Variants in ARHGAP42 observed in about 807,000 individuals in gnomAD.
The protein encoded by ARHGAP42 is Rho GTPase activating protein 42, also known as rho GTPase-activating protein 42.
A neutral mutation model predicts 125.0 loss-of-function variants in ARHGAP42; 63 were observed. That is an observed-to-expected ratio of 0.50 (90% CI 0.41 to 0.62). The LOEUF (loss-of-function observed/expected upper bound fraction) is 0.62, where lower values mean the gene tolerates loss of function less well. Ranked by LOEUF, ARHGAP42 falls within the 20% of genes least tolerant of loss-of-function variation. ARHGAP42 has a pLI of 0.00. For missense variants in ARHGAP42, 766 were observed against 1,024.2 expected, an observed-to-expected ratio of 0.75 and a Z score of 3.44; for synonymous variants, 339 against 351.0, an observed-to-expected ratio of 0.97 and a Z score of 0.38.
chr11:100,937,897 C>A (rs1252272581), intron 8 of ARHGAP42, among the ~76,000 whole-genome samples: 1 of 152,144 alleles, frequency 6.6e-6, no homozygotes, highest in Non-Finnish European at 1.5e-5. Flanking sequence ...AGTCTATAAG[C>A]ATAGGCCCTT....
At chr11:100,834,959 T>C (rs948001620) in intron 3 of ARHGAP42, among the ~76,000 whole-genome samples, 1 of 151,904 alleles carries the variant, frequency 6.6e-6, no homozygotes, top group Non-Finnish European at 1.5e-5. Flanking sequence ...TTTCTAAAAA[T>C]TTATAAATGT....
At position 100,864,026 on chromosome 11, in the gene ARHGAP42, C is replaced by A. The variant is rs1865510224; in HGVS notation, c.384+4401C>A. On this transcript the variant is annotated intron_variant, in intron 4 of 23. Coordinates refer to ENST00000298815, the MANE Select transcript of ARHGAP42 (RefSeq NM_152432.4). ...TGAATCACAATTGTTTTTTTGGATG[C>A]TTTTTGAATAAATTGACAGCTCTAT... Among the ~76,000 whole-genome samples, 3 of 152,166 alleles carry A rather than the reference C, an allele frequency of 2.0e-5. No homozygotes were observed. The South Asian group carries it at 6.2e-4, about 32-fold the overall frequency.
intron 4 of ARHGAP42, among the ~76,000 whole-genome samples, chr11:100,891,808 C>T (rs1356850342): frequency 2.6e-5 from 4 of 151,890 alleles, no homozygotes; most frequent in African/African-American, 7.3e-5. Context: ...TAGTAAATGC[C>T]GAGTTAGAGG....
At chr11:100,775,117 T>C (rs1863087955) in intron 2 of ARHGAP42, among the ~76,000 whole-genome samples, 1 of 152,180 alleles carries the variant, frequency 6.6e-6, no homozygotes, top group Admixed American at 6.5e-5. Context: ...AGCTTTGGCC[T>C]GTTCCCTTTC....
chr11:100,939,816 C>T (rs1050588570), intron 8 of ARHGAP42, among the ~76,000 whole-genome samples: 2 of 152,040 alleles, frequency 1.3e-5, no homozygotes, highest in African/African-American at 4.8e-5. Context: ...GCAGCAAACT[C>T]GAGGATTAAA....
At chr11:100,918,587 G>T (rs1867143630) in intron 5 of ARHGAP42, among the ~76,000 whole-genome samples, 1 of 152,182 alleles carries the variant, frequency 6.6e-6, no homozygotes, top group Admixed American at 6.5e-5. Context: ...CCAGTTGCTA[G>T]TGGATTTATA....
intron 4 of ARHGAP42, among the ~76,000 whole-genome samples, chr11:100,870,647 C>T (rs938890978): frequency 2.0e-5 from 3 of 152,076 alleles, no homozygotes; most frequent in East Asian, 1.9e-4. Flanking sequence ...ACTTAGGAAA[C>T]GTGATATTGA....
intron 4 of ARHGAP42, among the ~76,000 whole-genome samples, chr11:100,873,523 G>A (rs1445068011): frequency 2.0e-5 from 3 of 152,172 alleles, no homozygotes; most frequent in Admixed American, 6.5e-5. Context: ...GAGGATGAAG[G>A]CAGAATTAGT....
intron 22 of ARHGAP42, among the ~76,000 whole-genome samples, chr11:100,983,048 GA>G (rs1381462829): frequency 6.6e-6 from 1 of 152,170 alleles, no homozygotes; most frequent in Non-Finnish European, 1.5e-5. Flanking sequence ...ATCACCTGAA[GA>G]AAACTGTTAA....
intron 3 of ARHGAP42, among the ~76,000 whole-genome samples, chr11:100,856,173 G>C (rs1406139136): frequency 6.6e-6 from 1 of 152,030 alleles, no homozygotes; most frequent in Non-Finnish European, 1.5e-5. Context: ...AGTTCCATAT[G>C]AGCAAAAATT....
In ARHGAP42 at chr11:100,976,897, C is replaced by G. The variant is rs953906907; in HGVS notation, c.2319C>G (p.Asp773Glu). 6.4e-7 allele frequency: 1 copy of G among 1,551,546 alleles called. No homozygotes were observed. The highest frequency in any genetic ancestry group is 8.7e-7 in the Non-Finnish European group (1 of 1,146,878). Reference sequence around the variant, plus strand: ...CACCCAAAGCTTCACCAAACCCAGACCTGCCTCCGAAAATGTGCAGGAGAT... The same window carrying G: ...CACCCAAAGCTTCACCAAACCCAGAGCTGCCTCCGAAAATGTGCAGGAGAT... Reference protein sequence around the residue: ...KETPKASPNPDLPPKMCRRLR... With the variant: ...KETPKASPNPELPPKMCRRLR... Residue 773 changes from aspartate to glutamate, a missense_variant, in exon 21 of 24, where the codon GAC (aspartate) becomes GAG (glutamate). This residue lies in a region of ARHGAP42 where 308 missense variants were observed against 369.7 expected (regional missense o/e 0.83). Coordinates refer to ENST00000298815, the MANE Select transcript of ARHGAP42 (RefSeq NM_152432.4).
chr11:100,973,810 T>C (rs1386810572), intron 18 of ARHGAP42, among the ~76,000 whole-genome samples: 1 of 152,196 alleles, frequency 6.6e-6, no homozygotes, highest in East Asian at 1.9e-4. Context: ...AAAGCTGAAT[T>C]AGTTGGAGTA....
At chr11:100,934,465 A>C (rs1212375971) in intron 7 of ARHGAP42, among the ~76,000 whole-genome samples, 1 of 152,248 alleles carries the variant, frequency 6.6e-6, no homozygotes, top group Non-Finnish European at 1.5e-5. Context: ...TATTTCTATC[A>C]GAATTTATTT....
chr11:100,958,959 G>A (rs1223404548), intron 12 of ARHGAP42, among the ~76,000 whole-genome samples: 1 of 151,322 alleles, frequency 6.6e-6, no homozygotes, highest in Non-Finnish European at 1.5e-5. Flanking sequence ...TTTTGTCTGG[G>A]GATCTATTTT....
In ARHGAP42 at chr11:100,962,418, A is replaced by G; in HGVS notation, c.1395A>G (p.Ala465=). The G allele has an allele frequency of 6.4e-7, 1 of 1,551,160 alleles. No homozygotes were observed. The highest frequency in any genetic ancestry group is 8.7e-7 in the Non-Finnish European group (1 of 1,146,614). The change falls in exon 16 of 24, where the codon GCA becomes GCG. Residue 465 remains alanine, a synonymous_variant. Coordinates refer to ENST00000298815, the MANE Select transcript of ARHGAP42 (RefSeq NM_152432.4). ...CCTTTCTCTGTTGTAGGTGCCTTGC[A>G]GAACCACTGATGACTTACAAGTTGC... The part of the protein sequence containing the change: ...SGLKNYLRCL[A]EPLMTYKLHK...
At chr11:100,965,153 G>A (rs1858058261) in intron 16 of ARHGAP42, among the ~76,000 whole-genome samples, 1 of 151,992 alleles carries the variant, frequency 6.6e-6, no homozygotes, top group Admixed American at 6.6e-5. Flanking sequence ...ACAGCATAGG[G>A]TAACCGCCCA....
At chr11:100,884,261 G>A (rs1866031225) in intron 4 of ARHGAP42, among the ~76,000 whole-genome samples, 2 of 152,112 alleles carry the variant, frequency 1.3e-5, no homozygotes, top group Admixed American at 1.3e-4. Context: ...AGCAACCACA[G>A]CAATTTAAAA....
chr11:100,861,293 TC>T (rs1865439850), intron 4 of ARHGAP42, among the ~76,000 whole-genome samples: 1 of 152,148 alleles, frequency 6.6e-6, no homozygotes, highest in African/African-American at 2.4e-5. Flanking sequence ...TGGAAGAAAG[TC>T]CAGTATGTTT....
chr11:100,709,982 A>G (rs955539766), intron 1 of ARHGAP42, among the ~76,000 whole-genome samples: 2 of 152,168 alleles, frequency 1.3e-5, no homozygotes, highest in Non-Finnish European at 2.9e-5. Flanking sequence ...GCCCCAGAAT[A>G]TTCTTCTATT....
Sources: allele counts gnomAD v4.1 joint callset (sites outside exome capture counted in the v4.1 genomes callset), GRCh38; gene constraint gnomAD v4.1.1; regional missense constraint gnomAD v4.1.1; transcripts MANE v1.5; gene names NCBI Gene and HGNC (gene_info 2026-07-23, HGNC 2026-07-21).